The following CNTLN variants were observed in gnomAD, a reference collection of about 807,000 sequenced individuals.
CNTLN encodes centlein, centrosomal protein.
A neutral mutation model predicts 180.0 loss-of-function variants in CNTLN; 212 were observed. The ratio of observed to expected loss-of-function variants is 1.18; its 90% CI spans 1.05 to 1.32. The LOEUF (loss-of-function observed/expected upper bound fraction) is 1.32. Ranked by LOEUF, CNTLN falls within the 40% of genes most tolerant of loss-of-function variation. The pLI is 0.00. For synonymous variants in CNTLN, 722 were observed against 563.1 expected (o/e 1.28, Z -3.99); for missense variants, 2,095 against 1,610.9 (o/e 1.30, Z -5.14).
chr9:17,388,104 C>T (rs1825824017), intron 13 of CNTLN, 58 bp from the exon 14 acceptor site: 11 of 1,073,498 alleles, frequency 1.0e-5, no homozygotes, highest in Non-Finnish European at 1.5e-5. Context: ...CTTAAAATGA[C>T]AGGACAGTAT....
intron 18 of CNTLN, chr9:17,447,177 T>C: frequency 4.6e-6 from 1 of 218,090 alleles, no homozygotes. Context: ...CAAAACTAGA[T>C]GCTATCACAT....
chr9:17,348,665 G>C (rs1822118269), intron 12 of CNTLN, among the ~76,000 whole-genome samples: 1 of 151,846 alleles, frequency 6.6e-6, no homozygotes, highest in Non-Finnish European at 1.5e-5. Flanking sequence ...CTAGTAGCTG[G>C]GATTATAGGC....
chr9:17,235,632 C>G, intron 3 of CNTLN, 26 bp from the exon 4 acceptor site: 1 of 1,430,018 alleles, frequency 7.0e-7, no homozygotes, highest in South Asian at 1.3e-5. Context: ...TAAAAGCTCA[C>G]CAGTAATTTA....
rs1040382828 is a variant in CNTLN, at chr9:17,264,394, T to C, written c.850-9339T>C. Among the ~76,000 whole-genome samples, 757 of 151,550 alleles carry C rather than the reference T, an allele frequency of 5.0e-3. 3 individuals are homozygous for C. Among genetic ancestry groups the C allele is most frequent in the African/African-American group, 0.017 (704 of 41,164 alleles). The stretch of plus-strand genomic sequence containing the variant: ...TTTCTGAGGGCTCTGTTCTGTTCCA[T>C]TGATCTATATCTCTGTTTTGGTACC... On this transcript the variant is annotated intron_variant, in intron 5 of 25. Coordinates refer to ENST00000380647, the MANE Select transcript of CNTLN (RefSeq NM_017738.4).
chr9:17,481,278 C>T (rs1442528040), intron 23 of CNTLN, among the ~76,000 whole-genome samples: 1 of 152,176 alleles, frequency 6.6e-6, no homozygotes, highest in African/African-American at 2.4e-5. Context: ...AGAATACAGT[C>T]AGTTACCTCA....
At chr9:17,386,280 C>T (rs1319148638) in intron 13 of CNTLN, among the ~76,000 whole-genome samples, 2 of 151,542 alleles carry the variant, frequency 1.3e-5, no homozygotes, top group Admixed American at 1.3e-4. Flanking sequence ...ATATACTAAG[C>T]TCTTAAATAA....
chr9:17,494,783 A>G, intron 25 of CNTLN: 1 of 325,148 alleles, frequency 3.1e-6, no homozygotes, highest in South Asian at 2.4e-5. Flanking sequence ...TGCCACCCAT[A>G]GAAAAGTATA....
In CNTLN at chr9:17,326,212, A is replaced by T. The variant is rs1283397908; in HGVS notation, c.1342-4420A>T. 2.0e-5 allele frequency among the ~76,000 whole-genome samples: 3 copies of T among 152,178 alleles called. No individual in the cohort carries two copies. In the East Asian group the frequency reaches 5.8e-4, roughly 29 times the overall value. On this transcript the variant is annotated intron_variant, in intron 8 of 25. Coordinates refer to ENST00000380647, the MANE Select transcript of CNTLN (RefSeq NM_017738.4). The stretch of plus-strand genomic sequence containing the variant: ...TAGCCGTGTAGTCAGTCCACGAATC[A>T]TTTTTCTTCAGATTAATTATAGTAT...
At chr9:17,476,347 TG>T (rs1277473548) in intron 23 of CNTLN, among the ~76,000 whole-genome samples, 8 of 152,204 alleles carry the variant, frequency 5.3e-5, no homozygotes, top group Admixed American at 1.3e-4. Flanking sequence ...CTAATAATTC[TG>T]TAGTGACCTC....
At chr9:17,197,403 TTTTA>T (rs1270807808) in intron 2 of CNTLN, among the ~76,000 whole-genome samples, 10 of 152,214 alleles carry the variant, frequency 6.6e-5, no homozygotes, top group African/African-American at 2.2e-4. Context: ...TTGAGCATCT[TTTTA>T]TTTATTTATT....
At chr9:17,506,672 A>G (rs930087369), downstream of CNTLN, among the ~76,000 whole-genome samples, 3 of 152,146 alleles carry the variant, frequency 2.0e-5, no homozygotes, top group African/African-American at 7.2e-5. Context: ...AGTGAAAATT[A>G]CTATAATAAA....
At chr9:17,386,650 A>G (rs1825708326) in intron 13 of CNTLN, among the ~76,000 whole-genome samples, 2 of 152,204 alleles carry the variant, frequency 1.3e-5, no homozygotes, top group Admixed American at 1.3e-4. Context: ...ACGTCAGCAG[A>G]TAAGTACAGG....
At chr9:17,298,979 C>T in intron 7 of CNTLN, 1 of 977,374 alleles carries the variant, frequency 1.0e-6, no homozygotes, top group Non-Finnish European at 1.2e-6. Flanking sequence ...CATGGTGGCT[C>T]ATGCCTGTAA....
intron 18 of CNTLN, among the ~76,000 whole-genome samples, chr9:17,427,687 C>A (rs1587967132): frequency 6.6e-6 from 1 of 152,230 alleles, no homozygotes; most frequent in East Asian, 1.9e-4. Flanking sequence ...GTGGCTAAGG[C>A]AATTAAAACT....
intron 2 of CNTLN, among the ~76,000 whole-genome samples, chr9:17,211,866 TG>T (rs1176527921): frequency 6.6e-6 from 1 of 152,176 alleles, no homozygotes; most frequent in African/African-American, 2.4e-5. Flanking sequence ...TGTCTGTTGT[TG>T]GTGTATAAGA....
At chr9:17,438,568 A>T (rs1365221674) in intron 18 of CNTLN, among the ~76,000 whole-genome samples, 2 of 152,208 alleles carry the variant, frequency 1.3e-5, no homozygotes, top group Non-Finnish European at 2.9e-5. Context: ...AGGGCCTCAT[A>T]AATGCATACT....
At chr9:17,297,182 A>G (rs1818009174) in intron 6 of CNTLN, among the ~76,000 whole-genome samples, 1 of 152,196 alleles carries the variant, frequency 6.6e-6, no homozygotes, top group Non-Finnish European at 1.5e-5. Flanking sequence ...TAAACAATAC[A>G]GTATAACATT....
intron 23 of CNTLN, among the ~76,000 whole-genome samples, chr9:17,470,363 A>T (rs368519541): frequency 2.0e-5 from 3 of 151,950 alleles, no homozygotes; most frequent in Admixed American, 2.0e-4. Flanking sequence ...GACTCATTCT[A>T]TGCAGAGCTT....
intron 5 of CNTLN, among the ~76,000 whole-genome samples, chr9:17,243,234 G>A (rs527958690): frequency 6.6e-6 from 1 of 151,874 alleles, no homozygotes; most frequent in South Asian, 2.1e-4. Context: ...AGTTAATCTG[G>A]CTAATGTTTT....
Sources: gnomAD v4.1 joint callset for allele counts (sites outside exome capture counted in the v4.1 genomes callset) on GRCh38, gnomAD v4.1.1 for gene constraint, MANE v1.5 for transcripts, NCBI Gene and HGNC (gene_info 2026-07-23, HGNC 2026-07-21) for gene names.